CACNA2D1: variants seen among roughly 807,000 people sequenced by gnomAD.
The protein encoded by CACNA2D1 is voltage-dependent calcium channel subunit alpha-2/delta-1.
CACNA2D1 carries 53 observed loss-of-function variants against 171.5 expected under a neutral mutation model. The ratio of observed to expected loss-of-function variants is 0.31; its 90% CI spans 0.25 to 0.39. The LOEUF (loss-of-function observed/expected upper bound fraction) is 0.39, where lower values mean the gene tolerates loss of function less well. Among genes scored for constraint, CACNA2D1 ranks in the 10% least tolerant of loss-of-function variants. The pLI, the probability that CACNA2D1 is intolerant of heterozygous loss-of-function variation, is 1.00. For synonymous variants in CACNA2D1, 442 were observed against 443.1 expected (o/e 1.00, Z 0.03); for missense variants, 903 against 1,299.8 (o/e 0.69, Z 4.69).
At chr7:82,391,849 G>A (rs1467729260) in intron 1 of CACNA2D1, among the ~76,000 whole-genome samples, 1 of 152,168 alleles carries the variant, frequency 6.6e-6, no homozygotes, top group Non-Finnish European at 1.5e-5. Flanking sequence ...CCATTACTGT[G>A]GATGTGTATG....
chr7:82,331,004 T>C (rs1817242484), intron 3 of CACNA2D1, among the ~76,000 whole-genome samples: 2 of 152,098 alleles, frequency 1.3e-5, no homozygotes, highest in Non-Finnish European at 2.9e-5. Context: ...TCTGTCCTGA[T>C]CTACTGAATA....
chr7:82,301,576 T>C (rs1813008766), intron 3 of CACNA2D1, among the ~76,000 whole-genome samples: 2 of 152,156 alleles, frequency 1.3e-5, no homozygotes, highest in African/African-American at 4.8e-5. Context: ...TAAGAGTAGC[T>C]TGATAATGAT....
intron 38 of CACNA2D1, among the ~76,000 whole-genome samples, chr7:81,951,084 T>C (rs1286862383): frequency 6.6e-6 from 1 of 152,060 alleles, no homozygotes; most frequent in Non-Finnish European, 1.5e-5. Flanking sequence ...ATACATTATT[T>C]GGACACATAT....
At chr7:81,980,360 GC>G (rs1157654941) in intron 24 of CACNA2D1, among the ~76,000 whole-genome samples, 2 of 151,856 alleles carry the variant, frequency 1.3e-5, no homozygotes, top group Admixed American at 1.3e-4. Flanking sequence ...AGAAAAAGCA[GC>G]CAAAGACATT....
chr7:82,021,963 A>C (rs955928797), intron 12 of CACNA2D1, among the ~76,000 whole-genome samples: 1 of 152,032 alleles, frequency 6.6e-6, no homozygotes, highest in South Asian at 2.1e-4. Flanking sequence ...TCTAGGTAGT[A>C]AATTTTACTT....
At chr7:82,043,676 A>G (rs73705449) in intron 10 of CACNA2D1, among the ~76,000 whole-genome samples, 20,491 of 152,140 alleles carry the variant, frequency 0.13, 1,922 homozygotes, top group African/African-American at 0.27. Context: ...GGCAGTCTCT[A>G]TTTTTGCTCT....
At chr7:82,287,670 T>C (rs540903524) in intron 3 of CACNA2D1, among the ~76,000 whole-genome samples, 56 of 152,280 alleles carry the variant, frequency 3.7e-4, no homozygotes, top group Non-Finnish European at 7.2e-4. Flanking sequence ...GATTCCTTAA[T>C]GATTTAAATG....
At chr7:82,039,739 A>G (rs1803719853) in intron 10 of CACNA2D1, among the ~76,000 whole-genome samples, 1 of 152,198 alleles carries the variant, frequency 6.6e-6, no homozygotes, top group Admixed American at 6.5e-5. Context: ...GTTCCAGTGA[A>G]GAGCACAAAG....
intron 2 of CACNA2D1, among the ~76,000 whole-genome samples, chr7:82,336,530 C>A (rs1818022503): frequency 6.6e-6 from 1 of 152,150 alleles, no homozygotes; most frequent in South Asian, 2.1e-4. Flanking sequence ...AGTTTTCACT[C>A]AAAGTACTCA....
chr7:82,216,486 T>A (rs79188143), intron 3 of CACNA2D1, among the ~76,000 whole-genome samples: 5,086 of 152,268 alleles, frequency 0.033, 108 homozygotes, highest in Middle Eastern at 0.13. Flanking sequence ...GACAGAGTAA[T>A]GACAATAGAA....
chr7:82,042,863 A>G (rs1190474410), intron 10 of CACNA2D1, among the ~76,000 whole-genome samples: 1 of 152,086 alleles, frequency 6.6e-6, no homozygotes, highest in Non-Finnish European at 1.5e-5. Flanking sequence ...TCTTAAATCT[A>G]TCTCTTTTTT....
At chr7:82,090,069 T>C (rs113070340) in intron 6 of CACNA2D1, among the ~76,000 whole-genome samples, 47 of 152,260 alleles carry the variant, frequency 3.1e-4, no homozygotes, top group Non-Finnish European at 6.6e-4. Flanking sequence ...AAAGTAATCA[T>C]CAAAATCAAG....
At chr7:81,969,771 C>G in intron 28 of CACNA2D1, 110 bp downstream of exon 28, 2 of 702,388 alleles carry the variant, frequency 2.8e-6, no homozygotes, top group South Asian at 3.1e-5. Context: ...TTAATGATGA[C>G]TATTCTGAGT....
At chr7:81,982,442 AATT>A (rs1481937574) in intron 24 of CACNA2D1, 122 bp downstream of exon 24, 27 of 700,392 alleles carry the variant, frequency 3.9e-5, no homozygotes, top group Admixed American at 2.7e-4. Context: ...GTTTTAAAGT[AATT>A]ATTTCCTTTG....
chr7:82,375,144 T>C (rs1822874243), intron 1 of CACNA2D1, among the ~76,000 whole-genome samples: 1 of 151,988 alleles, frequency 6.6e-6, no homozygotes, highest in Non-Finnish European at 1.5e-5. Context: ...GCAGAAACAA[T>C]ACAGAAACAC....
rs543751561 is a variant in CACNA2D1 at position 82,120,391 on chromosome 7, A to AT, written c.397-3219dup. 7.2e-5 allele frequency among the ~76,000 whole-genome samples: 11 copies of AT among 152,290 alleles called. No homozygotes were observed. In the South Asian group the frequency reaches 2.3e-3, roughly 32 times the overall value. ...CAATACAGATATTACTGATTTTAGAATTTTTTAAAGTCTCGATTACTATCC... is the reference window on the plus strand; with the variant it reads ...CAATACAGATATTACTGATTTTAGAATTTTTTTAAAGTCTCGATTACTATCC... On this transcript the variant is annotated intron_variant, in intron 5 of 38. Coordinates refer to ENST00000356860, the MANE Select transcript of CACNA2D1 (RefSeq NM_000722.4).
intron 1 of CACNA2D1, among the ~76,000 whole-genome samples, chr7:82,405,918 C>G (rs751730189): frequency 4.6e-5 from 7 of 152,024 alleles, no homozygotes; most frequent in Non-Finnish European, 7.4e-5. Flanking sequence ...ACTTTAAGTT[C>G]TAGGGTACCT....
intron 3 of CACNA2D1, among the ~76,000 whole-genome samples, chr7:82,293,741 G>A (rs904300701): frequency 6.6e-6 from 1 of 152,152 alleles, no homozygotes; most frequent in Admixed American, 6.5e-5. Context: ...AGTATGGGAA[G>A]GATCTGGGAA....
chr7:82,075,242 C>T (rs553559793), intron 7 of CACNA2D1, among the ~76,000 whole-genome samples: 1 of 150,750 alleles, frequency 6.6e-6, no homozygotes, highest in Non-Finnish European at 1.5e-5. Context: ...ACCCTTATTA[C>T]AAAGTGGATT....
Sources: gnomAD v4.1 joint callset for allele counts (sites outside exome capture counted in the v4.1 genomes callset) on GRCh38, gnomAD v4.1.1 for gene constraint, MANE v1.5 for transcripts, NCBI Gene and HGNC (gene_info 2026-07-23, HGNC 2026-07-21) for gene names.